Variants in ASTN2 observed in about 807,000 individuals in gnomAD.
ASTN2 encodes the protein astrotactin 2.
A neutral mutation model predicts 139.8 loss-of-function variants in ASTN2; 54 were observed. The observed-to-expected ratio is 0.39, with a 90% confidence interval of 0.31 to 0.48. The LOEUF (loss-of-function observed/expected upper bound fraction) is 0.48, where lower values mean the gene tolerates loss of function less well. ASTN2 is among the 20% of genes least tolerant of loss of function. ASTN2 has a pLI of 0.95. For synonymous variants in ASTN2, 756 were observed against 719.5 expected, an observed-to-expected ratio of 1.05 and a Z score of -0.81; for missense variants, 1,565 against 1,725.1, an observed-to-expected ratio of 0.91 and a Z score of 1.64.
At chr9:117,181,251 T>G in intron 3 of ASTN2, 1 of 535,276 alleles carries the variant, frequency 1.9e-6, no homozygotes. Flanking sequence ...AAGCTGAGAA[T>G]GCTCACATAA....
At chr9:116,592,075 A>G (rs1392491270) in intron 19 of ASTN2, among the ~76,000 whole-genome samples, 1 of 152,182 alleles carries the variant, frequency 6.6e-6, no homozygotes, top group Non-Finnish European at 1.5e-5. Context: ...CATATAGCCT[A>G]TGCACATCCT....
At chr9:116,456,336 G>A (rs1848331891) in intron 20 of ASTN2, among the ~76,000 whole-genome samples, 1 of 152,006 alleles carries the variant, frequency 6.6e-6, no homozygotes, top group Non-Finnish European at 1.5e-5. Context: ...ATAAAACATT[G>A]AGTCAAGAAA....
intron 17 of ASTN2, among the ~76,000 whole-genome samples, chr9:116,636,698 G>T (rs954914574): frequency 6.6e-6 from 1 of 151,934 alleles, no homozygotes; most frequent in Non-Finnish European, 1.5e-5. Context: ...AAGAAAGAAA[G>T]AAAAAGATGT....
chr9:116,566,413 T>C (rs1339752107), intron 19 of ASTN2, among the ~76,000 whole-genome samples: 1 of 152,196 alleles, frequency 6.6e-6, no homozygotes, highest in Non-Finnish European at 1.5e-5. Flanking sequence ...TTTCACATTA[T>C]CCTGAATATA....
chr9:117,126,697 C>T (rs1464922613), intron 4 of ASTN2, among the ~76,000 whole-genome samples: 1 of 152,164 alleles, frequency 6.6e-6, no homozygotes, highest in African/African-American at 2.4e-5. Flanking sequence ...TGGTGGACAA[C>T]TAGAATGGTT....
chr9:116,837,753 A>G (rs1006048391), intron 11 of ASTN2, among the ~76,000 whole-genome samples: 5 of 152,168 alleles, frequency 3.3e-5, no homozygotes, highest in African/African-American at 1.2e-4. Context: ...TGAGTGAATC[A>G]TATGGTAAAT....
chr9:117,024,357 C>G (rs1021389201), intron 6 of ASTN2, among the ~76,000 whole-genome samples: 1 of 151,936 alleles, frequency 6.6e-6, no homozygotes, highest in Non-Finnish European at 1.5e-5. Flanking sequence ...ACCAATAATT[C>G]AATAACAGGA....
chr9:116,758,721 G>A lies in ASTN2; in HGVS notation c.2397-25198C>T, dbSNP rs1244781984. 2.0e-5 allele frequency among the ~76,000 whole-genome samples: 3 copies of A among 152,086 alleles called. No individual in the cohort carries two copies. The East Asian group carries it at 5.8e-4, about 29-fold the overall frequency. On this transcript the variant is annotated intron_variant, in intron 13 of 22. Transcript: ENST00000313400. ...CCTCGGAGCTTTCTCTGGGATCAAT[G>A]GACAGCTTGAGGGCAGGAGAACTTG...
chr9:116,442,432 T>C (rs1398484591), intron 21 of ASTN2, 21 bp downstream of exon 21: 2 of 1,602,660 alleles, frequency 1.2e-6, no homozygotes, highest in East Asian at 2.2e-5. Context: ...TACTTTGGAG[T>C]TGAAAAACTG....
chr9:117,352,511 T>C (rs1829420152), intron 1 of ASTN2, among the ~76,000 whole-genome samples: 1 of 152,176 alleles, frequency 6.6e-6, no homozygotes, highest in Admixed American at 6.5e-5. Flanking sequence ...CCAACAGTTG[T>C]TGAGCTTCCA....
chr9:117,226,940 C>A (rs1832733097), intron 2 of ASTN2, among the ~76,000 whole-genome samples: 1 of 152,154 alleles, frequency 6.6e-6, no homozygotes, highest in African/African-American at 2.4e-5. Context: ...GTGCCAACAA[C>A]AAAGCCTTCT....
intron 13 of ASTN2, among the ~76,000 whole-genome samples, chr9:116,791,121 C>G (rs1017273418): frequency 6.6e-6 from 1 of 152,154 alleles, no homozygotes. Context: ...TCCCAAAGTG[C>G]TGGGATTACA....
chr9:117,110,993 G>A (rs1829235277), intron 4 of ASTN2, among the ~76,000 whole-genome samples: 1 of 152,188 alleles, frequency 6.6e-6, no homozygotes, highest in African/African-American at 2.4e-5. Flanking sequence ...ACATGTGAAA[G>A]GCAGGCCCTG....
chr9:117,078,072 TC>T (rs1828327835), intron 5 of ASTN2, among the ~76,000 whole-genome samples: 1 of 152,178 alleles, frequency 6.6e-6, no homozygotes, highest in Admixed American at 6.5e-5. Context: ...ATGCGCACCC[TC>T]CTTCCCAGGT....
chr9:116,731,159 G>A (rs938199910), intron 14 of ASTN2, among the ~76,000 whole-genome samples: 20 of 149,242 alleles, frequency 1.3e-4, no homozygotes, highest in Non-Finnish European at 2.7e-4. Context: ...CTATGTGATG[G>A]AGGGAGGAAT....
intron 10 of ASTN2, among the ~76,000 whole-genome samples, chr9:116,884,445 T>G (rs892268760): frequency 6.6e-6 from 1 of 152,134 alleles, no homozygotes; most frequent in Non-Finnish European, 1.5e-5. Flanking sequence ...GTCTCACTCC[T>G]TGGCCTGTAG....
At chr9:116,894,973 C>T (rs961035686) in intron 10 of ASTN2, among the ~76,000 whole-genome samples, 45 of 152,286 alleles carry the variant, frequency 3.0e-4, no homozygotes, top group African/African-American at 1.1e-3. Context: ...ATTTTACCTC[C>T]CTGCACATTT....
rs1472098141 is a variant in ASTN2 at position 116,758,529 on chromosome 9, C to A, written c.2397-25006G>T. ...TTATTGACAGAAGAAACTTATCTAT[C>A]AGGAGCTCTCTGATGCTCCCAAACA... On this transcript the variant is annotated intron_variant, in intron 13 of 22. Coordinates refer to ENST00000313400, the MANE Select transcript of ASTN2 (RefSeq NM_001365068.1). Among the ~76,000 whole-genome samples the A allele has an allele frequency of 3.3e-5, 5 of 152,284 alleles. No individual in the cohort carries two copies. In the South Asian group the frequency reaches 1.0e-3, roughly 32 times the overall value.
Position 116,427,833 on chromosome 9 carries a change from GC to G in ASTN2, c.3783-1746del, listed in dbSNP as rs897482219. ...CAGTCCTCTTTCCCCTCGGGCAAGT[GC>G]CCCCCCCAAGAGGAGCCTGAGGAGT... On this transcript the variant is annotated intron_variant, in intron 22 of 22. Coordinates refer to ENST00000313400, the MANE Select transcript of ASTN2 (RefSeq NM_001365068.1). 2.6e-5 allele frequency among the ~76,000 whole-genome samples: 4 copies of G among 151,990 alleles called. 1 individual carries two copies. The highest frequency in any genetic ancestry group is 4.8e-5 in the African/African-American group (2 of 41,342).
Sources: allele counts gnomAD v4.1 joint callset (sites outside exome capture counted in the v4.1 genomes callset), GRCh38; gene constraint gnomAD v4.1.1; transcripts MANE v1.5; gene names NCBI Gene and HGNC (gene_info 2026-07-23, HGNC 2026-07-21).